The following DGLUCY variants were observed in gnomAD, a reference collection of about 807,000 sequenced individuals.
DGLUCY encodes D-glutamate cyclase.
DGLUCY carries 58 observed loss-of-function variants against 58.5 expected under a neutral mutation model. The ratio of observed to expected loss-of-function variants is 0.99; its 90% CI spans 0.80 to 1.23. The LOEUF (loss-of-function observed/expected upper bound fraction) is 1.23. DGLUCY is among the 50% of genes most tolerant of loss of function. The probability of loss-of-function intolerance (pLI) is 0.00; values close to 1 mark genes in which losing one functional copy is unlikely to be tolerated. For synonymous variants in DGLUCY, 325 were observed against 314.1 expected, an observed-to-expected ratio of 1.03 and a Z score of -0.37; for missense variants, 779 against 784.7, an observed-to-expected ratio of 0.99 and a Z score of 0.09.
intron 1 of DGLUCY, among the ~76,000 whole-genome samples, chr14:91,156,820 C>T (rs2047645655): frequency 6.6e-6 from 1 of 152,186 alleles, no homozygotes; most frequent in African/African-American, 2.4e-5. Flanking sequence ...ATACCTGGGC[C>T]ATGCAGCAGT....
intron 1 of DGLUCY, among the ~76,000 whole-genome samples, chr14:91,090,554 C>T (rs147480402): frequency 3.9e-4 from 60 of 152,270 alleles, no homozygotes; most frequent in Non-Finnish European, 7.6e-4. Context: ...CAGGGATGCT[C>T]TGCCTCCTGC....
Position 91,196,473 on chromosome 14 carries a change from A to G in DGLUCY, c.1294A>G (p.Arg432Gly). 6.2e-7 allele frequency: 1 copy of G among 1,613,418 alleles called. No homozygotes were observed. The highest frequency in any genetic ancestry group is 8.5e-7 in the Non-Finnish European group (1 of 1,179,410). The change falls in exon 10 of 14, where the codon AGA (arginine) becomes GGA (glycine). Residue 432 changes from arginine to glycine, a missense_variant and splice_region_variant. Coordinates refer to ENST00000256324, the MANE Select transcript of DGLUCY (RefSeq NM_001102368.3). ...LCKNGDPQTPRFDHLVAIERA... is the reference protein window; with the variant it reads ...LCKNGDPQTPGFDHLVAIERA... Reference sequence around the variant, plus strand: ...CAAAAATGGGGACCCGCAGACACCTAGGTACGTATGTCGCATCCCAGTTTA... The same window carrying G: ...CAAAAATGGGGACCCGCAGACACCTGGGTACGTATGTCGCATCCCAGTTTA...
chr14:91,170,679 A>G (rs1259863726), intron 5 of DGLUCY, among the ~76,000 whole-genome samples: 1 of 152,070 alleles, frequency 6.6e-6, no homozygotes, highest in Non-Finnish European at 1.5e-5. Context: ...GCAGTCACAA[A>G]CACAGCACAG....
intron 1 of DGLUCY, among the ~76,000 whole-genome samples, chr14:91,097,630 AC>A (rs1225098097): frequency 1.3e-5 from 2 of 148,846 alleles, no homozygotes; most frequent in Non-Finnish European, 3.0e-5. Context: ...CCTCACCTTG[AC>A]CCCATGTCTC....
chr14:91,220,670 C>T (rs1395961831), intron 13 of DGLUCY: 5 of 456,084 alleles, frequency 1.1e-5, no homozygotes, highest in Non-Finnish European at 2.2e-5. Flanking sequence ...CAGCCCGGTC[C>T]AGGCAGCCAG....
At chr14:91,184,970 AT>A (rs1051607182) in intron 8 of DGLUCY, among the ~76,000 whole-genome samples, 8 of 149,910 alleles carry the variant, frequency 5.3e-5, no homozygotes, top group East Asian at 2.0e-4. Flanking sequence ...CCCTGGGTGG[AT>A]TTTTTTTTTC....
chr14:91,180,784 T>A (rs1355966413), intron 7 of DGLUCY, among the ~76,000 whole-genome samples: 1 of 151,754 alleles, frequency 6.6e-6, no homozygotes, highest in East Asian at 1.9e-4. Flanking sequence ...TAAGGAAAAA[T>A]AGAAATGATG....
chr14:91,136,050 T>G (rs2046320070), intron 1 of DGLUCY, among the ~76,000 whole-genome samples: 1 of 145,414 alleles, frequency 6.9e-6, no homozygotes, highest in Admixed American at 7.1e-5. Flanking sequence ...TTCTCCTGCC[T>G]CAGCCTCCCG....
intron 1 of DGLUCY, among the ~76,000 whole-genome samples, chr14:91,151,782 G>A (rs1035808729): frequency 2.6e-5 from 4 of 151,832 alleles, no homozygotes; most frequent in African/African-American, 9.7e-5. Context: ...AGCCTCCTGA[G>A]TAGCTGGAAT....
chr14:91,126,828 G>A (rs1054621833), intron 1 of DGLUCY, among the ~76,000 whole-genome samples: 5 of 152,130 alleles, frequency 3.3e-5, no homozygotes, highest in Admixed American at 2.6e-4. Flanking sequence ...CAGGTATGGG[G>A]TGAGGGTTGG....
intron 1 of DGLUCY, chr14:91,114,928 T>C (rs41299205): frequency 0.072 from 10,943 of 152,360 alleles, 565 homozygotes; most frequent in African/African-American, 0.14. Context: ...AACACCAACA[T>C]GGCACAGGGG....
chr14:91,077,397 GAGAA>G (rs775755896), intron 1 of DGLUCY, among the ~76,000 whole-genome samples: 20 of 139,964 alleles, frequency 1.4e-4, no homozygotes, highest in Non-Finnish European at 2.5e-4. Context: ...GAAGGAAGGA[GAGAA>G]AGAAAAGAAA....
At chr14:91,100,982 ACTCTCTTGAACTCG>A (rs2044476610) in intron 1 of DGLUCY, among the ~76,000 whole-genome samples, 1 of 150,538 alleles carries the variant, frequency 6.6e-6, no homozygotes, top group Non-Finnish European at 1.5e-5. Context: ...GAAGCAGGAG[ACTCTCTTGAACTCG>A]TGAGGCAGAG....
chr14:91,064,213 C>G (rs2043780499), intron 1 of DGLUCY, among the ~76,000 whole-genome samples: 1 of 151,886 alleles, frequency 6.6e-6, no homozygotes, highest in African/African-American at 2.4e-5. Flanking sequence ...CATCCAGGGC[C>G]AAAATTAAGT....
chr14:91,169,029 G>A (rs1347279846), intron 4 of DGLUCY, among the ~76,000 whole-genome samples: 1 of 151,968 alleles, frequency 6.6e-6, no homozygotes, highest in East Asian at 1.9e-4. Context: ...AGAGGTTGCA[G>A]TGAGCCGAGG....
intron 7 of DGLUCY, among the ~76,000 whole-genome samples, chr14:91,176,668 C>T (rs553057183): frequency 5.0e-4 from 76 of 152,306 alleles, no homozygotes; most frequent in African/African-American, 1.7e-3. Flanking sequence ...GGCACGATCT[C>T]GGCTCACTGC....
chr14:91,212,923 C>G (rs930972191), intron 12 of DGLUCY, among the ~76,000 whole-genome samples: 4 of 151,328 alleles, frequency 2.6e-5, no homozygotes, highest in African/African-American at 9.7e-5. Flanking sequence ...ATGGCGTGAA[C>G]CCAAGAGGCG....
Position 91,170,117 on chromosome 14 carries a change from C to T in DGLUCY, c.372C>T (p.Cys124=), listed in dbSNP as rs1188477792. Residue 124 remains cysteine (C), a synonymous_variant, in exon 5 of 14, where the codon TGC becomes TGT. Coordinates refer to ENST00000256324, the MANE Select transcript of DGLUCY (RefSeq NM_001102368.3). Reference sequence around the variant, plus strand: ...ACATGGTGGCCTTCTTCCTGGGCTGCAGCTTCTCCCTGGAGGAGGCCTTGG... The same window carrying T: ...ACATGGTGGCCTTCTTCCTGGGCTGTAGCTTCTCCCTGGAGGAGGCCTTGG... ...LKDMVAFFLG[C]SFSLEEALEK... 5 of 1,613,266 alleles carry T rather than the reference C, an allele frequency of 3.1e-6. No homozygotes were observed. Among genetic ancestry groups the T allele is most frequent in the Non-Finnish European group, 4.2e-6 (5 of 1,180,040 alleles).
chr14:91,099,484 G>A (rs1366310741), intron 1 of DGLUCY, among the ~76,000 whole-genome samples: 2 of 149,038 alleles, frequency 1.3e-5, no homozygotes, highest in East Asian at 2.0e-4. Context: ...AGTGAGCTGC[G>A]ATCGCACCAC....
Sources: allele counts gnomAD v4.1 joint callset (sites outside exome capture counted in the v4.1 genomes callset), GRCh38; gene constraint gnomAD v4.1.1; transcripts MANE v1.5; gene names NCBI Gene and HGNC (gene_info 2026-07-23, HGNC 2026-07-21).